BOP1: variants seen among roughly 807,000 people sequenced by gnomAD.
BOP1 encodes the protein BOP1 ribosomal biogenesis factor, also known as ribosome biogenesis protein BOP1.
Under a neutral mutation model 82.9 loss-of-function variants are expected in BOP1, and 54 were observed. That is an observed-to-expected ratio of 0.65 (90% CI 0.52 to 0.82). BOP1 has a LOEUF of 0.82. Among genes scored for constraint, BOP1 ranks in the 40% least tolerant of loss-of-function variants. BOP1 has a pLI of 0.00. For missense variants in BOP1, 1,170 were observed against 1,072.0 expected, an observed-to-expected ratio of 1.09 and a Z score of -1.28; for synonymous variants, 566 against 451.1, an observed-to-expected ratio of 1.25 and a Z score of -3.23.
chr8:144,277,242 G>A (rs1845581498), intron 2 of BOP1, among the ~76,000 whole-genome samples: 1 of 152,104 alleles, frequency 6.6e-6, no homozygotes, highest in Non-Finnish European at 1.5e-5. Context: ...AGAGAGATGG[G>A]AGACTAAGTT....
rs970055567 is a variant in BOP1 at position 144,264,619 on chromosome 8, G to C, written c.664-3C>G. 1.9e-6 allele frequency: 3 copies of C among 1,592,622 alleles called. No homozygotes were observed. The highest frequency in any genetic ancestry group is 2.7e-5 in the African/African-American group (2 of 74,574). ...CCGCTGAAGAAGTCGACAGCCGGCT[G>C]GGGGAGAAGATGTGGGCGTGTGGGC... On this transcript the variant is annotated splice_region_variant and splice_polypyrimidine_tract_variant and intron_variant, in intron 5 of 15. Transcript: ENST00000569669.
Position 144,262,571 on chromosome 8 carries a change from C to A in BOP1, c.1979+17G>T. The A allele has an allele frequency of 2.5e-6, 4 of 1,613,256 alleles. No individual in the cohort carries two copies. Among genetic ancestry groups the A allele is most frequent in the Non-Finnish European group, 3.4e-6 (4 of 1,179,714 alleles). ...GGAGGGGCTCTGCTGGCCGCCTCCA[C>A]CCCCAGCTTTCCTCACCTCAGCATC... On this transcript the variant is annotated intron_variant, in intron 14 of 15. Transcript: ENST00000569669.
At position 144,291,218 on chromosome 8, in the gene BOP1, T is replaced by C; in HGVS notation, c.99+54A>G. 1 of 1,349,932 alleles carries C rather than the reference T, an allele frequency of 7.4e-7. No individual in the cohort carries two copies. Among genetic ancestry groups the C allele is most frequent in the East Asian group, 3.3e-5 (1 of 29,886 alleles). 83.6% of individuals were successfully genotyped at this position (1,349,932 alleles called of 1,614,324 possible). On this transcript the variant is annotated intron_variant, in intron 1 of 15. Transcript: ENST00000569669. This position sits in a 1 kb window ranked among gnomAD's most constrained non-coding sequence, Gnocchi z 4.1. ...GCCCACCCGCCCCAGCGCGGCCACG[T>C]GCCCGCCGGGCCCTCTAGGGACGCG...
At position 144,289,300 on chromosome 8, in the gene BOP1, G is replaced by T; in HGVS notation, c.104C>A (p.Pro35His). 1 of 1,613,592 alleles carries T rather than the reference G, an allele frequency of 6.2e-7. No homozygotes were observed. The highest frequency in any genetic ancestry group is 8.5e-7 in the Non-Finnish European group (1 of 1,179,848). The change falls in exon 2 of 16, where the codon CCC becomes CAC. Residue 35 changes from proline (P) to histidine (H), a missense_variant. By Grantham distance (77) the Pro-to-His change is moderately conservative. Transcript: ENST00000569669. ...ELEPEPEPEP[P>H]LLCTSPLSHS... ...GCTGAGAGGAGAGGTGCAGAGGAGG[G>T]GGGGCTGCAAGGAAACACTGGGTTG...
chr8:144,265,994 GAC>G (rs2130204788), intron 3 of BOP1: 1 of 152,644 alleles, frequency 6.6e-6, no homozygotes, highest in African/African-American at 2.4e-5. Flanking sequence ...GTGCAGGACA[GAC>G]AGGCGGAGAG....
rs1588587404 is a variant in BOP1 at position 144,263,405 on chromosome 8, T to G, written c.1425-4A>C. The G allele has an allele frequency of 7.5e-6, 12 of 1,597,704 alleles. No individual in the cohort carries two copies. In the East Asian group the frequency reaches 2.7e-4, roughly 36 times the overall value. ...CAGCAGCAGCACCGAGTCCTCCCTG[T>G]GAGCCAGGCCCAGACACGGCCCCTA... is the stretch of plus-strand genomic sequence containing the variant. On this transcript the variant is annotated splice_polypyrimidine_tract_variant and splice_region_variant and intron_variant, in intron 11 of 15. Coordinates refer to ENST00000569669, the MANE Select transcript of BOP1 (RefSeq NM_015201.5).
intron 2 of BOP1, among the ~76,000 whole-genome samples, chr8:144,279,760 G>A (rs1845640261): frequency 6.6e-6 from 1 of 152,186 alleles, no homozygotes; most frequent in African/African-American, 2.4e-5. Context: ...CAGGATTCTG[G>A]GCTGAGGTCG....
intron 1 of BOP1, among the ~76,000 whole-genome samples, chr8:144,290,306 T>C (rs1815009074): frequency 7.0e-6 from 1 of 143,766 alleles, no homozygotes. Context: ...ACCACTGCAC[T>C]CTAGCCTGGG....
rs1489041334 is a variant in BOP1, at chr8:144,267,087, C to CCCGCCG, written c.391-2022_391-2017dup. On this transcript the variant is annotated intron_variant, in intron 3 of 15. Transcript: ENST00000569669. ...TCCACGCGGCGCGCGCCGGCAGCCCCCCGCCGCCGCCCCCGCCGCCTCCCG... is the reference window on the plus strand; with the variant it reads ...TCCACGCGGCGCGCGCCGGCAGCCCCCCGCCGCCGCCGCCGCCCCCGCCGCCTCCCG... The CCCGCCG allele has an allele frequency of 4.4e-6, 6 of 1,367,502 alleles. No individual in the cohort carries two copies. The South Asian group carries it at 5.1e-5, about 12-fold the overall frequency. The allele number at this position is 1,367,502 out of a possible 1,614,324, so 84.7% of individuals were successfully genotyped here.
At chr8:144,266,697 C>G (rs1368020971) in intron 3 of BOP1, 13 of 1,226,732 alleles carry the variant, frequency 1.1e-5, no homozygotes, top group Non-Finnish European at 1.1e-5. Context: ...ACGAGGACCG[C>G]GGCAGCGACA....
At chr8:144,284,204 AGGAG>A (rs1195914065) in intron 2 of BOP1, among the ~76,000 whole-genome samples, 3 of 152,176 alleles carry the variant, frequency 2.0e-5, no homozygotes, top group African/African-American at 7.2e-5. Flanking sequence ...AGGCTGAGGT[AGGAG>A]GATCCCTTGA....
intron 3 of BOP1, among the ~76,000 whole-genome samples, chr8:144,269,153 GC>G (rs1845447774): frequency 6.6e-6 from 1 of 152,224 alleles, no homozygotes; most frequent in African/African-American, 2.4e-5. Flanking sequence ...GGTGGGTTTA[GC>G]CCCCACAGTG....
At chr8:144,273,463 G>A (rs1228791035) in intron 3 of BOP1, among the ~76,000 whole-genome samples, 4 of 152,358 alleles carry the variant, frequency 2.6e-5, no homozygotes, top group East Asian at 1.9e-4. Flanking sequence ...AGCAGAGGGC[G>A]GCTCCTCCGG....
chr8:144,283,511 T>G lies in BOP1; in HGVS notation c.309+5584A>C, dbSNP rs183933233. Among the ~76,000 whole-genome samples, 105 of 152,284 alleles carry G rather than the reference T, an allele frequency of 6.9e-4. 1 individual carries two copies. In the Middle Eastern group the frequency reaches 0.01, roughly 15 times the overall value. The stretch of plus-strand genomic sequence containing the variant: ...AATTTTCTGTAAAAATGGGGTCTCA[T>G]TATATGGCACAGGCTGGTCTTGAAC... On this transcript the variant is annotated intron_variant, in intron 2 of 15. Coordinates refer to ENST00000569669, the MANE Select transcript of BOP1 (RefSeq NM_015201.5).
At position 144,291,160 on chromosome 8, in the gene BOP1, A is replaced by T; in HGVS notation, c.99+112T>A. 1.1e-6 allele frequency: 1 copy of T among 895,972 alleles called. No homozygotes were observed. The highest frequency in any genetic ancestry group is 1.5e-6 in the Non-Finnish European group (1 of 674,914). The allele number at this position is 895,972 out of a possible 1,614,324, so 55.5% of individuals were successfully genotyped here. A position where few individuals can be genotyped will look rare whatever the true frequency, so the allele number is the denominator to read the frequency against. On this transcript the variant is annotated intron_variant, in intron 1 of 15. Transcript: ENST00000569669. This position sits in a 1 kb window ranked among gnomAD's most constrained non-coding sequence, Gnocchi z 4.1. ...CTGCACCCACGCCCAAGACCGATTC[A>T]CTGGGCGCGGGCGCCCAGGTGACAG... is the stretch of plus-strand genomic sequence containing the variant.
chr8:144,268,282 C>G, intron 3 of BOP1: 3 of 1,287,914 alleles, frequency 2.3e-6, no homozygotes, highest in Non-Finnish European at 3.2e-6. Flanking sequence ...TGGCTGCGAG[C>G]GGGGCCGAGG....
chr8:144,264,433 G>A lies in BOP1; in HGVS notation c.770C>T (p.Ser257Phe). 6.2e-7 allele frequency: 1 copy of A among 1,603,904 alleles called. No individual in the cohort carries two copies. The highest frequency in any genetic ancestry group is 8.5e-7 in the Non-Finnish European group (1 of 1,179,696). The change falls in exon 7 of 16, where the codon TCT (serine) becomes TTT (phenylalanine). Residue 257 changes from serine (S) to phenylalanine (F), a missense_variant. Ser to Phe is a radical substitution (Grantham distance 155, BLOSUM62 -2). Transcript: ENST00000569669. Reference protein sequence around the residue: ...IPSLVEKEKVSRMVHAIKMGW... With the variant: ...IPSLVEKEKVFRMVHAIKMGW... ...CATCTTGATGGCGTGCACCATGCGA[G>A]AGACCTGCATAGACAGCCGGGTCAG...
At chr8:144,281,382 TCC>T (rs1845674989) in intron 2 of BOP1, among the ~76,000 whole-genome samples, 14 of 6,462 alleles carry the variant, frequency 2.2e-3, no homozygotes, top group African/African-American at 2.9e-3. Flanking sequence ...TCTTCGGCCT[TCC>T]CTCAGTTTAA....
At chr8:144,276,712 C>A (rs1271333841) in intron 2 of BOP1, among the ~76,000 whole-genome samples, 5 of 152,224 alleles carry the variant, frequency 3.3e-5, no homozygotes, top group Non-Finnish European at 7.3e-5. Flanking sequence ...GGCGCTCCTG[C>A]CGAGCCCCGC....
Sources: gnomAD v4.1 joint callset for allele counts (sites outside exome capture counted in the v4.1 genomes callset) on GRCh38, gnomAD v4.1.1 for gene constraint, Gnocchi (gnomAD v3.1) non-coding constraint, MANE v1.5 for transcripts, NCBI Gene and HGNC (gene_info 2026-07-23, HGNC 2026-07-21) for gene names.